Variants in ITPR2 observed in about 807,000 individuals in gnomAD.
The protein encoded by ITPR2 is inositol 1,4,5-trisphosphate-gated calcium channel ITPR2.
In ITPR2, 207 loss-of-function variants were observed where a neutral mutation model predicts 317.1. The ratio of observed to expected loss-of-function variants is 0.65; its 90% CI spans 0.58 to 0.73. The LOEUF (loss-of-function observed/expected upper bound fraction) is 0.73, where lower values mean the gene tolerates loss of function less well. Ranked by LOEUF, ITPR2 falls within the 30% of genes least tolerant of loss-of-function variation. ITPR2 has a pLI of 0.00. For synonymous variants in ITPR2, 1,156 were observed against 1,149.1 expected (o/e 1.01, Z -0.12); for missense variants, 2,613 against 3,284.0 (o/e 0.80, Z 4.99).
At chr12:26,453,939 T>C (rs780878952) in intron 45 of ITPR2, among the ~76,000 whole-genome samples, 4 of 152,202 alleles carry the variant, frequency 2.6e-5, no homozygotes, top group Non-Finnish European at 1.5e-5. Context: ...TTGTTTACTG[T>C]TGTATTCATC....
At chr12:26,476,874 C>T (rs1395273124) in intron 44 of ITPR2, 38 bp downstream of exon 44, 1 of 1,398,376 alleles carries the variant, frequency 7.2e-7, no homozygotes, top group Admixed American at 1.9e-5. Flanking sequence ...TCCTTTTAGG[C>T]TACCCAATAT....
intron 51 of ITPR2, among the ~76,000 whole-genome samples, chr12:26,412,053 T>C (rs1469104111): frequency 6.6e-6 from 1 of 152,228 alleles, no homozygotes; most frequent in Non-Finnish European, 1.5e-5. Flanking sequence ...TTTTTAAATG[T>C]TGTTTTTGTT....
intron 1 of ITPR2, among the ~76,000 whole-genome samples, chr12:26,810,732 A>C (rs1290169450): frequency 1.3e-5 from 2 of 152,228 alleles, no homozygotes; most frequent in African/African-American, 2.4e-5. Context: ...ATCTTGACTT[A>C]GACACATAAC....
chr12:26,731,229 C>G (rs758912462), intron 2 of ITPR2, among the ~76,000 whole-genome samples: 1 of 152,158 alleles, frequency 6.6e-6, no homozygotes, highest in Non-Finnish European at 1.5e-5. Flanking sequence ...GGCTCTTTCA[C>G]GGTAGCCTGT....
At chr12:26,599,063 G>A (rs1945926149) in intron 30 of ITPR2, 82 bp downstream of exon 30, 1 of 1,215,864 alleles carries the variant, frequency 8.2e-7, no homozygotes, top group Admixed American at 1.8e-5. Context: ...TATGTTGTTG[G>A]GGGCTTTTTC....
intron 2 of ITPR2, among the ~76,000 whole-genome samples, chr12:26,728,254 A>G (rs1319296324): frequency 6.6e-6 from 1 of 152,188 alleles, no homozygotes; most frequent in Non-Finnish European, 1.5e-5. Context: ...GTAGCCGTAG[A>G]TGTAAAATAA....
At chr12:26,377,267 C>A (rs1939374964) in intron 55 of ITPR2, among the ~76,000 whole-genome samples, 1 of 152,202 alleles carries the variant, frequency 6.6e-6, no homozygotes, top group African/African-American at 2.4e-5. Context: ...CGTGTGTTAT[C>A]ATCACTCCTT....
chr12:26,782,037 T>TATATATATATATATAGAG (rs1950102369), intron 2 of ITPR2, among the ~76,000 whole-genome samples: 1 of 51,736 alleles, frequency 1.9e-5, no homozygotes, highest in Non-Finnish European at 4.1e-5. Context: ...TATATATGTA[T>TATATATATATATATAGAG]AGAGAGAGAG....
At chr12:26,709,442 TC>T (rs1442180118) in intron 9 of ITPR2, among the ~76,000 whole-genome samples, 1 of 152,230 alleles carries the variant, frequency 6.6e-6, no homozygotes. Flanking sequence ...GTCTTTCAAA[TC>T]TTTTCAAGGA....
In ITPR2 at chr12:26,659,001, T is replaced by A. The variant is rs1360425504; in HGVS notation, c.1886+112A>T. The A allele has an allele frequency of 1.1e-5, 8 of 744,612 alleles. No homozygotes were observed. The East Asian group carries it at 2.1e-4, about 19-fold the overall frequency. 46.1% of individuals were successfully genotyped at this position (744,612 alleles called of 1,614,324 possible). ...ATTATAGCAATAAGCCCAACATAGT[T>A]CGTCCATAAAAGTTAGTGATGTGAA... is the stretch of plus-strand genomic sequence containing the variant. On this transcript the variant is annotated intron_variant, in intron 16 of 56. Coordinates refer to ENST00000381340, the MANE Select transcript of ITPR2 (RefSeq NM_002223.4).
chr12:26,696,354 T>C (rs1948350474), intron 9 of ITPR2, among the ~76,000 whole-genome samples: 1 of 152,174 alleles, frequency 6.6e-6, no homozygotes, highest in Non-Finnish European at 1.5e-5. Flanking sequence ...ATGAGGTGTG[T>C]TTCTTGAAAC....
chr12:26,825,494 A>G (rs1950995978), intron 1 of ITPR2, among the ~76,000 whole-genome samples: 3 of 152,116 alleles, frequency 2.0e-5, no homozygotes, highest in African/African-American at 4.8e-5. Context: ...TTATCTACAC[A>G]CTATCTGCAT....
At chr12:26,467,783 TTGTA>T (rs1282617858) in intron 45 of ITPR2, among the ~76,000 whole-genome samples, 60 of 152,314 alleles carry the variant, frequency 3.9e-4, no homozygotes, top group Middle Eastern at 3.4e-3. Context: ...GCATTTTTTA[TTGTA>T]CCCATTAACC....
chr12:26,339,077 AAG>A lies in ITPR2; in HGVS notation c.*318_*319del, dbSNP rs1938015117. The A allele has an allele frequency of 4.3e-6, 1 of 230,478 alleles. No individual in the cohort carries two copies. Among genetic ancestry groups the A allele is most frequent in the Non-Finnish European group, 8.5e-6 (1 of 118,026 alleles). 14.3% of individuals were successfully genotyped at this position (230,478 alleles called of 1,614,324 possible). On this transcript the variant is annotated 3_prime_UTR_variant, in exon 57 of 57. Transcript: ENST00000381340. ...AAACTGACTCCTATCGATTTAGCAG[AAG>A]AGAGTTCTCCCTGCCCCGTGTCTCC...
chr12:26,770,509 A>G (rs1949820480), intron 2 of ITPR2, among the ~76,000 whole-genome samples: 1 of 152,170 alleles, frequency 6.6e-6, no homozygotes, highest in South Asian at 2.1e-4. Context: ...TCTTGAGTTT[A>G]AAGGCAGTAT....
At position 26,422,319 on chromosome 12, in the gene ITPR2, G is replaced by T. The variant is rs193213140; in HGVS notation, c.6946-3106C>A. On this transcript the variant is annotated intron_variant, in intron 49 of 56. Coordinates refer to ENST00000381340, the MANE Select transcript of ITPR2 (RefSeq NM_002223.4). ...TATTGAATAATAATAATACTTTATT[G>T]AATAATTTAACTATTTAATTAGATA... 1.0e-3 allele frequency among the ~76,000 whole-genome samples: 154 copies of T among 147,126 alleles called. 1 individual carries two copies. Among genetic ancestry groups the T allele is most frequent in the African/African-American group, 3.7e-3 (150 of 40,888 alleles).
chr12:26,400,651 C>T (rs1940145964), intron 52 of ITPR2: 1 of 152,366 alleles, frequency 6.6e-6, no homozygotes, highest in South Asian at 2.1e-4. Flanking sequence ...TTTGTTTCTT[C>T]TATAGGTAGA....
At chr12:26,582,147 C>T (rs917106058) in intron 32 of ITPR2, among the ~76,000 whole-genome samples, 1 of 152,120 alleles carries the variant, frequency 6.6e-6, no homozygotes, top group Non-Finnish European at 1.5e-5. Context: ...TTTTTCCTGT[C>T]CCCTATGAAT....
At chr12:26,631,276 T>A (rs1946746296) in intron 22 of ITPR2, among the ~76,000 whole-genome samples, 1 of 152,200 alleles carries the variant, frequency 6.6e-6, no homozygotes, top group Non-Finnish European at 1.5e-5. Flanking sequence ...AAATAATAAT[T>A]TATCTCCTTT....
Sources: gnomAD v4.1 joint callset for allele counts (sites outside exome capture counted in the v4.1 genomes callset) on GRCh38, gnomAD v4.1.1 for gene constraint, MANE v1.5 for transcripts, NCBI Gene and HGNC (gene_info 2026-07-23, HGNC 2026-07-21) for gene names.